Variants in GTF3C3 observed in about 807,000 individuals in gnomAD.
GTF3C3 encodes the protein general transcription factor 3C polypeptide 3.
A neutral mutation model predicts 105.2 loss-of-function variants in GTF3C3; 75 were observed. The observed-to-expected ratio is 0.71, with a 90% confidence interval of 0.59 to 0.86. The LOEUF is 0.86. Among genes scored for constraint, GTF3C3 ranks in the 40% least tolerant of loss-of-function variants. The probability of loss-of-function intolerance (pLI) is 0.00; values close to 1 mark genes in which losing one functional copy is unlikely to be tolerated. For synonymous variants in GTF3C3, 335 were observed against 370.4 expected (o/e 0.90, Z 1.10); for missense variants, 856 against 1,076.5 (o/e 0.80, Z 2.87).
intron 17 of GTF3C3, among the ~76,000 whole-genome samples, chr2:196,765,879 A>G (rs6713217): frequency 0.25 from 37,560 of 151,168 alleles, 5,666 homozygotes; most frequent in African/African-American, 0.43. Flanking sequence ...GCGTGGTGGC[A>G]GGCACCTGTA....
chr2:196,770,081 G>A (rs775335148), intron 15 of GTF3C3, 42 bp from the exon 16 acceptor site: 8 of 1,442,124 alleles, frequency 5.5e-6, no homozygotes, highest in Non-Finnish European at 7.3e-6. Flanking sequence ...GACAAGAACA[G>A]AGTTATTTAT....
intron 8 of GTF3C3, among the ~76,000 whole-genome samples, chr2:196,781,357 A>AAAAAAAAAAAAAAAATATATATATATAT: frequency 5.3e-5 from 1 of 18,822 alleles, no homozygotes; most frequent in African/African-American, 1.0e-4. Context: ...AAAAAAAAAA[A>AAAAAAAAAAAAAAAATATATATATATAT]ATATATATAT....
intron 8 of GTF3C3, among the ~76,000 whole-genome samples, chr2:196,783,260 AAGGGAAGG>A (rs1226978521): frequency 7.1e-6 from 1 of 140,378 alleles, no homozygotes; most frequent in African/African-American, 2.5e-5. Context: ...GCCAGGAAGG[AAGGGAAGG>A]AGGGAAGGAG....
At chr2:196,780,153 G>T (rs1699321686) in intron 9 of GTF3C3, 1 of 369,508 alleles carries the variant, frequency 2.7e-6, no homozygotes, top group Non-Finnish European at 3.8e-6. Flanking sequence ...ACCCATGAGG[G>T]TATGGATTTG....
At chr2:196,766,900 G>A (rs1387624902) in intron 16 of GTF3C3, 183 bp from the exon 17 acceptor site, 1 of 395,700 alleles carries the variant, frequency 2.5e-6, no homozygotes. Context: ...TTCTGAAGAT[G>A]TAAGAATTTT....
intron 8 of GTF3C3, chr2:196,780,924 C>A: frequency 7.2e-6 from 2 of 279,120 alleles, no homozygotes; most frequent in African/African-American, 2.2e-5. Flanking sequence ...ACTAAAAAGA[C>A]AAAAATAATG....
In GTF3C3 at chr2:196,791,291, C is replaced by A; in HGVS notation, c.535+46G>T. ...AAGTGCTCCCCCATTTGTTTTAAGT[C>A]AGACTATTAAACTGCTATTATTAAC... On this transcript the variant is annotated intron_variant, in intron 4 of 17. Transcript: ENST00000263956. 1.9e-6 allele frequency: 3 copies of A among 1,600,042 alleles called. No individual in the cohort carries two copies. The South Asian group carries it at 3.3e-5, about 18-fold the overall frequency.
At chr2:196,796,882 CT>C (rs1699656316) in intron 2 of GTF3C3, among the ~76,000 whole-genome samples, 1 of 152,212 alleles carries the variant, frequency 6.6e-6, no homozygotes, top group African/African-American at 2.4e-5. Context: ...TTCCACCCCA[CT>C]TTCCTGGCAG....
intron 2 of GTF3C3, 49 bp from the exon 3 acceptor site, chr2:196,793,201 C>T: frequency 7.6e-7 from 1 of 1,310,358 alleles, no homozygotes; most frequent in Non-Finnish European, 1.1e-6. Flanking sequence ...CTGCAGAATT[C>T]TCAGTGAAAA....
At chr2:196,780,713 G>T (rs370441120) in intron 8 of GTF3C3, 51 bp from the exon 9 acceptor site, 6 of 1,568,584 alleles carry the variant, frequency 3.8e-6, no homozygotes, top group Non-Finnish European at 5.2e-6. Flanking sequence ...CTTGAGATGT[G>T]TATCTTCTAT....
intron 13 of GTF3C3, among the ~76,000 whole-genome samples, chr2:196,774,487 G>A (rs748703272): frequency 6.6e-6 from 1 of 152,172 alleles, no homozygotes; most frequent in Non-Finnish European, 1.5e-5. Flanking sequence ...GTACACCAGT[G>A]TAATGTGATC....
At chr2:196,780,235 T>C in intron 9 of GTF3C3, 1 of 974,006 alleles carries the variant, frequency 1.0e-6, no homozygotes, top group Non-Finnish European at 1.2e-6. Context: ...TTCAATAATA[T>C]ACTTGGTCCA....
rs1393152865 is a variant in GTF3C3 at position 196,764,613 on chromosome 2, C to T, written c.2611G>A (p.Gly871Arg). The T allele has an allele frequency of 1.3e-5, 21 of 1,613,462 alleles. No homozygotes were observed. The highest frequency in any genetic ancestry group is 1.7e-5 in the Admixed American group (1 of 60,012). ...AGCGTTTGAGCCATTCCGGTATTCCCACTGCTCTGATAGATGAGAGACAAG... is the reference window on the plus strand; with the variant it reads ...AGCGTTTGAGCCATTCCGGTATTCCTACTGCTCTGATAGATGAGAGACAAG... Reference protein sequence around the residue: ...YNLSLIYQSSGNTGMAQTLLY... With the variant: ...YNLSLIYQSSRNTGMAQTLLY... Residue 871 changes from glycine to arginine, a missense_variant, in exon 18 of 18, where the codon GGG (glycine) becomes AGG (arginine). Coordinates refer to ENST00000263956, the MANE Select transcript of GTF3C3 (RefSeq NM_012086.5).
intron 9 of GTF3C3, chr2:196,780,018 C>T: frequency 6.5e-6 from 1 of 153,324 alleles, no homozygotes; most frequent in Non-Finnish European, 1.5e-5. Context: ...CTGCAACTTT[C>T]CCCTGCCCCC....
chr2:196,766,190 T>A (rs1699065802), intron 17 of GTF3C3, among the ~76,000 whole-genome samples: 1 of 152,026 alleles, frequency 6.6e-6, no homozygotes, highest in African/African-American at 2.4e-5. Context: ...CTTTACCCTA[T>A]CTTAAAAAAA....
chr2:196,769,813 G>A (rs1418229311), intron 16 of GTF3C3, 102 bp downstream of exon 16: 3 of 908,818 alleles, frequency 3.3e-6, no homozygotes, highest in East Asian at 2.7e-5. Context: ...TGTACTGAGA[G>A]CATTGTGTAT....
In GTF3C3 at chr2:196,775,238, C is replaced by T. The variant is rs997441975; in HGVS notation, c.1709G>A (p.Arg570Gln). ...ACTGGATATCAAACAAACTTGGGCT[C>T]GATTCATTGCTACCTGAATTAAAGA... The part of the protein sequence containing the change: ...LAMLLKVAMN[R>Q]AQVCLISSSK... The change falls in exon 13 of 18, where the codon CGA becomes CAA. Residue 570 changes from arginine to glutamine, a missense_variant. Around this residue, in one of 3 missense-constraint regions of GTF3C3, gnomAD observed 605 missense variants for 833.6 expected, o/e 0.73. Transcript: ENST00000263956. The T allele has an allele frequency of 1.6e-5, 25 of 1,600,476 alleles. No individual in the cohort carries two copies. Among genetic ancestry groups the T allele is most frequent in the Non-Finnish European group, 2.0e-5 (24 of 1,175,596 alleles).
In GTF3C3 at chr2:196,773,803, A is replaced by G. The variant is rs535390413; in HGVS notation, c.1832-650T>C. 7.8e-4 allele frequency: 205 copies of G among 262,120 alleles called. 2 individuals are homozygous for G. The South Asian group carries it at 7.9e-3, about 10-fold the overall frequency. The allele number at this position is 262,120 out of a possible 1,614,324, so 16.2% of individuals were successfully genotyped here. ...GGAGCGTGCAACCTAGATCCCTCGCATGGGCAGTTTACAATAGGGTTTGCA... is the reference window on the plus strand; with the variant it reads ...GGAGCGTGCAACCTAGATCCCTCGCGTGGGCAGTTTACAATAGGGTTTGCA... On this transcript the variant is annotated intron_variant, in intron 13 of 17. Coordinates refer to ENST00000263956, the MANE Select transcript of GTF3C3 (RefSeq NM_012086.5).
rs1699263976 is a variant in GTF3C3, at chr2:196,776,721, A to G, written c.1391-92T>C. 1 of 792,344 alleles carries G rather than the reference A, an allele frequency of 1.3e-6. No individual in the cohort carries two copies. Among genetic ancestry groups the G allele is most frequent in the Non-Finnish European group, 2.0e-6 (1 of 489,610 alleles). 49.1% of individuals were successfully genotyped at this position (792,344 alleles called of 1,614,324 possible). On this transcript the variant is annotated intron_variant, in intron 10 of 17. Transcript: ENST00000263956. The surrounding 1 kb of genome is among the most constrained non-coding windows in gnomAD (Gnocchi z 4.5). ...TCCATTTTAAAAGAAATATAGCAAT[A>G]TAAAAAATTATAACAAGAAATGAAT...
Sources: allele counts gnomAD v4.1 joint callset (sites outside exome capture counted in the v4.1 genomes callset), GRCh38; gene constraint gnomAD v4.1.1; regional missense constraint gnomAD v4.1.1; non-coding constraint Gnocchi (gnomAD v3.1); transcripts MANE v1.5; gene names NCBI Gene and HGNC (gene_info 2026-07-23, HGNC 2026-07-21).